The following EML4 variants were observed in gnomAD, a reference collection of about 807,000 sequenced individuals.
EML4 encodes the protein echinoderm microtubule-associated protein-like 4.
Under a neutral mutation model 129.0 loss-of-function variants are expected in EML4, and 72 were observed. That is an observed-to-expected ratio of 0.56 (90% CI 0.46 to 0.68). EML4 has a LOEUF of 0.68. Ranked by LOEUF, EML4 falls within the 30% of genes least tolerant of loss-of-function variation. The probability of loss-of-function intolerance (pLI) is 0.00; values close to 1 mark genes in which losing one functional copy is unlikely to be tolerated. For missense variants in EML4, 1,363 were observed against 1,190.6 expected (o/e 1.14, Z -2.13); for synonymous variants, 532 against 405.0 (o/e 1.31, Z -3.77).
intron 1 of EML4, among the ~76,000 whole-genome samples, chr2:42,194,987 T>C (rs1423166106): frequency 6.6e-6 from 1 of 152,228 alleles, no homozygotes; most frequent in Non-Finnish European, 1.5e-5. Context: ...GCAAAGACTT[T>C]GCTTTATTTC....
intron 17 of EML4, among the ~76,000 whole-genome samples, chr2:42,308,875 T>C (rs896079719): frequency 2.0e-5 from 3 of 152,198 alleles, no homozygotes; most frequent in Non-Finnish European, 2.9e-5. Context: ...TTTCACTTAA[T>C]GTTTTCAAGG....
At chr2:42,312,583 T>A (rs1669021503) in intron 17 of EML4, among the ~76,000 whole-genome samples, 1 of 152,030 alleles carries the variant, frequency 6.6e-6, no homozygotes, top group Non-Finnish European at 1.5e-5. Flanking sequence ...AGACGGGGTC[T>A]TGCTCTGTCG....
chr2:42,251,179 C>T (rs1675743237), intron 2 of EML4, among the ~76,000 whole-genome samples: 1 of 152,170 alleles, frequency 6.6e-6, no homozygotes, highest in African/African-American at 2.4e-5. Flanking sequence ...GGTTGGGGAC[C>T]CCTGGTATAG....
Position 42,330,010 on chromosome 2 carries a change from A to C in EML4, c.2749A>C (p.Ser917Arg). 1 of 1,613,834 alleles carries C rather than the reference A, an allele frequency of 6.2e-7. No homozygotes were observed. The highest frequency in any genetic ancestry group is 1.1e-5 in the South Asian group (1 of 91,056). Reference sequence around the variant, plus strand: ...GACAGCTGAAGAGGAAAGTAGAATAAGCAGTTCTCCCACACTTCTGGAGAA... The same window carrying C: ...GACAGCTGAAGAGGAAAGTAGAATACGCAGTTCTCCCACACTTCTGGAGAA... ...NETAEEESRI[S>R]SSPTLLENSL... Residue 917 changes from serine to arginine, a missense_variant, in exon 23 of 23, where the codon AGC becomes CGC. Transcript: ENST00000318522.
Position 42,295,153 on chromosome 2 carries a change from A to C in EML4, c.1247A>C (p.Glu416Ala). The C allele has an allele frequency of 6.2e-7, 1 of 1,611,968 alleles. No homozygotes were observed. The highest frequency in any genetic ancestry group is 8.5e-7 in the Non-Finnish European group (1 of 1,179,390). The change falls in exon 12 of 23, where the codon GAG becomes GCG. Residue 416 changes from glutamate to alanine, a missense_variant. Coordinates refer to ENST00000318522, the MANE Select transcript of EML4 (RefSeq NM_019063.5). ...ACAAATGAAGTTGTTTTGGCTGTGG[A>C]GTTTCACCCAACAGATGCAAATACC... ...KTTNEVVLAV[E>A]FHPTDANTII...
chr2:42,304,525 G>A lies in EML4; in HGVS notation c.1941G>A (p.Val647=), dbSNP rs777923600. 4 of 1,614,058 alleles carry A rather than the reference G, an allele frequency of 2.5e-6. No individual in the cohort carries two copies. Among genetic ancestry groups the A allele is most frequent in the Non-Finnish European group, 3.4e-6 (4 of 1,179,958 alleles). The change falls in exon 17 of 23, where the codon GTG becomes GTA. Residue 647 remains valine (V), a synonymous_variant. Transcript: ENST00000318522. The part of the protein sequence containing the change: ...HCADFHPSGT[V]VAIGTHSGRW... ...CAGATTTTCATCCAAGTGGCACAGT[G>A]GTGGCCATAGGAACGCACTCAGGCA... is the stretch of plus-strand genomic sequence containing the variant.
intron 17 of EML4, 69 bp downstream of exon 17, chr2:42,304,620 C>T: frequency 8.7e-7 from 1 of 1,155,482 alleles, no homozygotes; most frequent in South Asian, 1.2e-5. Flanking sequence ...GGAATGTTCT[C>T]AATCTGATCT....
intron 1 of EML4, among the ~76,000 whole-genome samples, chr2:42,175,521 G>C (rs2103804688): frequency 6.7e-6 from 1 of 149,194 alleles, no homozygotes; most frequent in South Asian, 2.1e-4. Context: ...TTGTTTTTTT[G>C]AGACAGAGTT....
At chr2:42,172,048 G>C (rs536854739) in intron 1 of EML4, among the ~76,000 whole-genome samples, 1 of 151,946 alleles carries the variant, frequency 6.6e-6, no homozygotes. Flanking sequence ...ACTCTAGTAG[G>C]TGTTTAAAAA....
chr2:42,255,728 A>T (rs1253028413), intron 2 of EML4, among the ~76,000 whole-genome samples: 1 of 152,222 alleles, frequency 6.6e-6, no homozygotes, highest in East Asian at 1.9e-4. Flanking sequence ...AATCTAATGT[A>T]GGACTTACGA....
Position 42,303,155 on chromosome 2 carries a change from C to A in EML4, c.1693C>A (p.Gln565Lys), listed in dbSNP as rs1331930996. 1 of 1,614,028 alleles carries A rather than the reference C, an allele frequency of 6.2e-7. No homozygotes were observed. Among genetic ancestry groups the A allele is most frequent in the Admixed American group, 1.7e-5 (1 of 60,012 alleles). The change falls in exon 15 of 23, where the codon CAA becomes AAA. Residue 565 changes from glutamine to lysine, a missense_variant. Coordinates refer to ENST00000318522, the MANE Select transcript of EML4 (RefSeq NM_019063.5). ...AGCTGTAGCAGAAGGAAAGGCAGATCAATTTTTAGTAGGCACATCACGAAA... is the reference window on the plus strand; with the variant it reads ...AGCTGTAGCAGAAGGAAAGGCAGATAAATTTTTAGTAGGCACATCACGAAA... Reference protein sequence around the residue: ...IRAVAEGKADQFLVGTSRNFI... With the variant: ...IRAVAEGKADKFLVGTSRNFI...
At chr2:42,289,103 T>A (rs1180789337) in intron 11 of EML4, 2 of 152,188 alleles carry the variant, frequency 1.3e-5, no homozygotes, top group Non-Finnish European at 2.9e-5. Flanking sequence ...ACTTAACATT[T>A]TGAAAGAAGT....
chr2:42,220,105 T>A (rs1673479188), intron 1 of EML4, among the ~76,000 whole-genome samples: 1 of 152,062 alleles, frequency 6.6e-6, no homozygotes, highest in Admixed American at 6.6e-5. Flanking sequence ...ACAGCAAAAT[T>A]CTCAAAAAAT....
intron 13 of EML4, 32 bp downstream of exon 13, chr2:42,295,548 G>A (rs2103681942): frequency 6.3e-7 from 1 of 1,597,306 alleles, no homozygotes; most frequent in East Asian, 2.2e-5. Flanking sequence ...CTCATTTCTG[G>A]TAATTCTCAC....
At chr2:42,278,687 A>ATTGAG (rs768550802) in intron 6 of EML4, among the ~76,000 whole-genome samples, 2 of 151,462 alleles carry the variant, frequency 1.3e-5, no homozygotes, top group Non-Finnish European at 2.9e-5. Context: ...TAATCTCAGC[A>ATTGAG]CTTTGAGAAG....
chr2:42,323,940 T>C (rs1406618473), intron 19 of EML4, among the ~76,000 whole-genome samples: 2 of 142,946 alleles, frequency 1.4e-5, no homozygotes, highest in African/African-American at 5.2e-5. Context: ...TGAGACTCTG[T>C]CTCAATTAAA....
intron 2 of EML4, among the ~76,000 whole-genome samples, chr2:42,248,471 G>C (rs1675555059): frequency 6.6e-6 from 1 of 152,008 alleles, no homozygotes; most frequent in South Asian, 2.1e-4. Flanking sequence ...CAGTTAACTA[G>C]CTATAATTAC....
intron 7 of EML4, among the ~76,000 whole-genome samples, chr2:42,281,349 C>T (rs189424692): frequency 2.7e-5 from 4 of 150,068 alleles, no homozygotes; most frequent in Non-Finnish European, 5.9e-5. Flanking sequence ...GCCAAGATCA[C>T]GCCATTGGAC....
chr2:42,231,080 T>G (rs1227016532), intron 1 of EML4, among the ~76,000 whole-genome samples: 1 of 152,222 alleles, frequency 6.6e-6, no homozygotes, highest in Non-Finnish European at 1.5e-5. Context: ...CTTAAAAGAC[T>G]GCCTTACCTC....
Sources: allele counts gnomAD v4.1 joint callset (sites outside exome capture counted in the v4.1 genomes callset), GRCh38; gene constraint gnomAD v4.1.1; transcripts MANE v1.5; gene names NCBI Gene and HGNC (gene_info 2026-07-23, HGNC 2026-07-21).